Variants in WHRN observed in about 807,000 individuals in gnomAD.
WHRN encodes CASK-interacting protein CIP98.
In WHRN, 41 loss-of-function variants were observed where a neutral mutation model predicts 68.3. That is an observed-to-expected ratio of 0.60 (90% CI 0.47 to 0.78). The LOEUF (loss-of-function observed/expected upper bound fraction) is 0.78. Ranked by LOEUF, WHRN falls within the 30% of genes least tolerant of loss-of-function variation. The pLI is 0.00. For synonymous variants in WHRN, 560 were observed against 561.3 expected (o/e 1.00, Z 0.03); for missense variants, 1,243 against 1,244.7 (o/e 1.00, Z 0.02).
At chr9:114,420,701 T>C (rs1836209243) in intron 7 of WHRN, among the ~76,000 whole-genome samples, 1 of 152,122 alleles carries the variant, frequency 6.6e-6, no homozygotes, top group Non-Finnish European at 1.5e-5. Context: ...CCCAAGGCCC[T>C]GGGTACAATC....
At chr9:114,473,084 C>T (rs974242357) in intron 2 of WHRN, among the ~76,000 whole-genome samples, 2 of 152,234 alleles carry the variant, frequency 1.3e-5, no homozygotes, top group African/African-American at 4.8e-5. Context: ...GCTGGAGACA[C>T]ATGAGCTTGG....
chr9:114,477,610 C>T (rs1278915680), intron 2 of WHRN, among the ~76,000 whole-genome samples: 2 of 152,216 alleles, frequency 1.3e-5, no homozygotes, highest in African/African-American at 4.8e-5. Flanking sequence ...AGTCCCTAGA[C>T]ATCCCTGCCA....
intron 7 of WHRN, among the ~76,000 whole-genome samples, chr9:114,413,936 A>C (rs989207526): frequency 6.7e-6 from 1 of 149,474 alleles, no homozygotes; most frequent in African/African-American, 2.4e-5. Context: ...CTGTGGTCTT[A>C]AGAAAAGGAC....
chr9:114,436,105 T>C (rs1444493358), intron 3 of WHRN, among the ~76,000 whole-genome samples: 2 of 152,142 alleles, frequency 1.3e-5, no homozygotes, highest in Non-Finnish European at 2.9e-5. Flanking sequence ...TGCATACTGC[T>C]AAGGGGAGGA....
intron 1 of WHRN, among the ~76,000 whole-genome samples, chr9:114,486,518 C>T (rs1012211960): frequency 2.0e-5 from 3 of 152,194 alleles, no homozygotes; most frequent in East Asian, 1.9e-4. Context: ...ATTCATTCAT[C>T]GTTGAACAAG....
At chr9:114,482,427 A>T (rs1184679170) in intron 1 of WHRN, among the ~76,000 whole-genome samples, 1 of 152,162 alleles carries the variant, frequency 6.6e-6, no homozygotes, top group African/African-American at 2.4e-5. Context: ...CACTGGTGGG[A>T]TTCCAGTCGG....
At chr9:114,452,951 C>T (rs932787250) in intron 3 of WHRN, among the ~76,000 whole-genome samples, 1 of 152,122 alleles carries the variant, frequency 6.6e-6, no homozygotes, top group African/African-American at 2.4e-5. Context: ...TCTGCTGATT[C>T]CATCCTGATG....
chr9:114,463,036 C>T (rs1840374018), intron 3 of WHRN, among the ~76,000 whole-genome samples: 1 of 152,188 alleles, frequency 6.6e-6, no homozygotes, highest in African/African-American at 2.4e-5. Flanking sequence ...GGGTACTCAC[C>T]ACCAACAACG....
At chr9:114,429,894 C>T (rs1351384908) in intron 3 of WHRN, among the ~76,000 whole-genome samples, 2 of 152,172 alleles carry the variant, frequency 1.3e-5, no homozygotes, top group Admixed American at 1.3e-4. Flanking sequence ...ACTTGCTAAA[C>T]CACCTCCCCA....
Position 114,491,976 on chromosome 9 carries a change from G to C in WHRN, c.618+12208C>G, listed in dbSNP as rs1339566893. Reference sequence around the variant, plus strand: ...CCTTCCCAGTGTTTTTTATTCCTGTGGCGCTCACCCCAAAGTATTAAAAGT... The same window carrying C: ...CCTTCCCAGTGTTTTTTATTCCTGTCGCGCTCACCCCAAAGTATTAAAAGT... On this transcript the variant is annotated intron_variant, in intron 1 of 11. Transcript: ENST00000362057. 2.0e-5 allele frequency among the ~76,000 whole-genome samples: 3 copies of C among 150,286 alleles called. No individual in the cohort carries two copies. The Admixed American group carries it at 2.0e-4, about 10-fold the overall frequency.
At chr9:114,430,508 G>A (rs1837320629) in intron 3 of WHRN, among the ~76,000 whole-genome samples, 2 of 152,086 alleles carry the variant, frequency 1.3e-5, no homozygotes, top group African/African-American at 2.4e-5. Flanking sequence ...ATTTAGTGTT[G>A]TGGCTTCCAA....
At chr9:114,426,527 C>A in intron 3 of WHRN, 114 bp from the exon 4 acceptor site, 2 of 1,266,026 alleles carry the variant, frequency 1.6e-6, no homozygotes, top group South Asian at 1.2e-5. Flanking sequence ...GGAGGTCATC[C>A]AGGATCAGAG....
chr9:114,421,843 T>A (rs1023374992), intron 7 of WHRN, among the ~76,000 whole-genome samples: 2 of 152,168 alleles, frequency 1.3e-5, no homozygotes, highest in Non-Finnish European at 2.9e-5. Context: ...GCTGCAGCCA[T>A]GTCCAGCCCT....
chr9:114,481,335 T>G (rs1157992003), intron 1 of WHRN, among the ~76,000 whole-genome samples: 1 of 152,242 alleles, frequency 6.6e-6, no homozygotes, highest in Non-Finnish European at 1.5e-5. Context: ...AAAATTCTGC[T>G]TTTATAAAAG....
chr9:114,451,655 C>T (rs4979394), intron 3 of WHRN, among the ~76,000 whole-genome samples: 42,010 of 151,836 alleles, frequency 0.28, 6,050 homozygotes, highest in Admixed American at 0.36. Context: ...CAGGGGAAGG[C>T]CCTGCCCTGT....
In WHRN at chr9:114,464,866, T is replaced by TC. The variant is rs1564186712; in HGVS notation, c.963+1400_963+1401insG. Among the ~76,000 whole-genome samples the TC allele has an allele frequency of 8.4e-5, 10 of 118,450 alleles. No individual in the cohort carries two copies. In the East Asian group the frequency reaches 1.2e-3, roughly 14 times the overall value. The allele number at this position is 118,450 out of a possible 152,430, so 77.7% of individuals were successfully genotyped here. On this transcript the variant is annotated intron_variant, in intron 3 of 11. Transcript: ENST00000362057. ...ATGATGATGATGATGATGATGATGA[T>TC]GTCGTCTGTCTGTCCCTTTGGGCTG...
intron 9 of WHRN, among the ~76,000 whole-genome samples, chr9:114,404,460 C>T (rs1834883422): frequency 6.6e-6 from 1 of 152,250 alleles, no homozygotes; most frequent in Non-Finnish European, 1.5e-5. Flanking sequence ...CCAACACATT[C>T]AAATTAGAAG....
chr9:114,443,642 C>G (rs1046763207), intron 3 of WHRN, among the ~76,000 whole-genome samples: 1 of 152,172 alleles, frequency 6.6e-6, no homozygotes, highest in African/African-American at 2.4e-5. Context: ...GCCATATAAC[C>G]TAACATAGTC....
chr9:114,472,509 T>C lies in WHRN; in HGVS notation c.837+6044A>G, dbSNP rs116415821. On this transcript the variant is annotated intron_variant, in intron 2 of 11. Transcript: ENST00000362057. ...TTAGTGAGGCCGTCCCTGCCCCTTC[T>C]CTAACACTGCCCCACGCACACACCA... Among the ~76,000 whole-genome samples, 1,106 of 152,282 alleles carry C rather than the reference T, an allele frequency of 7.3e-3. 10 individuals are homozygous for C. The highest frequency in any genetic ancestry group is 0.023 in the African/African-American group (962 of 41,562).
Sources: allele counts gnomAD v4.1 joint callset (sites outside exome capture counted in the v4.1 genomes callset), GRCh38; gene constraint gnomAD v4.1.1; transcripts MANE v1.5; gene names NCBI Gene and HGNC (gene_info 2026-07-23, HGNC 2026-07-21).